Variants in TRPC4 observed in about 807,000 individuals in gnomAD.
TRPC4 encodes transient receptor potential cation channel subfamily C member 4, also known as short transient receptor potential channel 4.
A neutral mutation model predicts 99.4 loss-of-function variants in TRPC4; 49 were observed. The observed-to-expected ratio is 0.49, with a 90% confidence interval of 0.39 to 0.63. The LOEUF (loss-of-function observed/expected upper bound fraction) is 0.63, where lower values mean the gene tolerates loss of function less well. Ranked by LOEUF, TRPC4 falls within the 20% of genes least tolerant of loss-of-function variation. The pLI is 0.00. For missense variants in TRPC4, 898 were observed against 1,152.9 expected, an observed-to-expected ratio of 0.78 and a Z score of 3.20; for synonymous variants, 454 against 425.9, an observed-to-expected ratio of 1.07 and a Z score of -0.81.
intron 3 of TRPC4, among the ~76,000 whole-genome samples, chr13:37,715,776 C>T (rs1293672885): frequency 3.3e-5 from 5 of 152,080 alleles, no homozygotes; most frequent in East Asian, 1.9e-4. Context: ...AAGACACTTG[C>T]GAAATCTACC....
In TRPC4 at chr13:37,649,650, C is replaced by T. The variant is rs369640387; in HGVS notation, c.2079+1615G>A. Among the ~76,000 whole-genome samples the T allele has an allele frequency of 5.2e-5, 7 of 135,426 alleles. No homozygotes were observed. The East Asian group carries it at 7.1e-4, about 14-fold the overall frequency. 88.8% of individuals were successfully genotyped at this position (135,426 alleles called of 152,430 possible). A position where few individuals can be genotyped will look rare whatever the true frequency, so the allele number is the denominator to read the frequency against. ...TCGGGAGGCTGAGGCAGGAGAATGGCGTGAACCCGGAAGGCGGAGCTTGCA... is the reference window on the plus strand; with the variant it reads ...TCGGGAGGCTGAGGCAGGAGAATGGTGTGAACCCGGAAGGCGGAGCTTGCA... On this transcript the variant is annotated intron_variant, in intron 8 of 10. Transcript: ENST00000379705.
chr13:37,768,798 A>G (rs1237536161), intron 2 of TRPC4, among the ~76,000 whole-genome samples: 1 of 151,372 alleles, frequency 6.6e-6, no homozygotes, highest in Non-Finnish European at 1.5e-5. Flanking sequence ...AAGGAGCTAA[A>G]TCCTAGGAAG....
chr13:37,738,898 T>C (rs1593625722), intron 3 of TRPC4, among the ~76,000 whole-genome samples: 1 of 151,856 alleles, frequency 6.6e-6, no homozygotes, highest in East Asian at 2.0e-4. Context: ...TGTGCTCAGA[T>C]TTATGATGAC....
At chr13:37,868,463 A>C (rs945598642) in intron 1 of TRPC4, among the ~76,000 whole-genome samples, 1 of 152,162 alleles carries the variant, frequency 6.6e-6, no homozygotes, top group Non-Finnish European at 1.5e-5. Flanking sequence ...TCTAATTTAG[A>C]GTTTTACCAA....
At chr13:37,725,407 T>A (rs1444641963) in intron 3 of TRPC4, among the ~76,000 whole-genome samples, 1 of 146,160 alleles carries the variant, frequency 6.8e-6, no homozygotes, top group African/African-American at 2.5e-5. Flanking sequence ...AGTATTATAA[T>A]CTCAAAGAGA....
chr13:37,692,879 T>C (rs2049533836), intron 3 of TRPC4, among the ~76,000 whole-genome samples: 1 of 152,232 alleles, frequency 6.6e-6, no homozygotes, highest in Admixed American at 6.5e-5. Flanking sequence ...TTAATTGGGT[T>C]GAGGCAATAT....
intron 1 of TRPC4, among the ~76,000 whole-genome samples, chr13:37,836,755 G>C (rs1344906406): frequency 6.6e-6 from 1 of 152,190 alleles, no homozygotes; most frequent in South Asian, 2.1e-4. Flanking sequence ...CATTGTTTGG[G>C]GAGGAATTCA....
intron 8 of TRPC4, 160 bp downstream of exon 8, chr13:37,651,105 C>CAG: frequency 1.3e-6 from 1 of 778,784 alleles, no homozygotes; most frequent in Non-Finnish European, 2.0e-6. Context: ...CCTAGTTAAT[C>CAG]AGACACTGCC....
chr13:37,734,058 G>A (rs1179045703), intron 3 of TRPC4, among the ~76,000 whole-genome samples: 1 of 152,072 alleles, frequency 6.6e-6, no homozygotes, highest in Non-Finnish European at 1.5e-5. Flanking sequence ...CACGGGTTTG[G>A]AATGAGGACA....
At chr13:37,672,497 A>C (rs908737697) in intron 5 of TRPC4, among the ~76,000 whole-genome samples, 1 of 152,186 alleles carries the variant, frequency 6.6e-6, no homozygotes, top group Non-Finnish European at 1.5e-5. Context: ...TGATGGAGAA[A>C]ATGAACCTGA....
At chr13:37,674,399 G>T in intron 4 of TRPC4, 32 bp from the exon 5 acceptor site, 1 of 1,582,794 alleles carries the variant, frequency 6.3e-7, no homozygotes, top group South Asian at 1.2e-5. Context: ...TTGTAAGTAT[G>T]ATTTCAATAG....
chr13:37,739,830 T>A (rs1593628105), intron 3 of TRPC4, among the ~76,000 whole-genome samples: 1 of 152,078 alleles, frequency 6.6e-6, no homozygotes, highest in Admixed American at 6.6e-5. Flanking sequence ...ACTTATTTTT[T>A]AAAAATTTTC....
intron 1 of TRPC4, among the ~76,000 whole-genome samples, chr13:37,860,818 G>A (rs1959258830): frequency 6.6e-6 from 1 of 151,422 alleles, no homozygotes; most frequent in Non-Finnish European, 1.5e-5. Flanking sequence ...ATTCCCATTT[G>A]TAGGACTGAT....
intron 8 of TRPC4, among the ~76,000 whole-genome samples, chr13:37,645,706 T>C (rs1364390414): frequency 1.3e-5 from 2 of 152,230 alleles, no homozygotes; most frequent in African/African-American, 4.8e-5. Flanking sequence ...TATTGTTCTC[T>C]ATAAACAGTC....
At chr13:37,854,089 T>A (rs374298747) in intron 1 of TRPC4, among the ~76,000 whole-genome samples, 7 of 152,060 alleles carry the variant, frequency 4.6e-5, no homozygotes, top group South Asian at 4.1e-4. Flanking sequence ...ATAGAACACC[T>A]AGCAGATTTA....
rs1217857739 is a variant in TRPC4 at position 37,636,930 on chromosome 13, G to A, written c.2907C>T (p.His969=). 1.2e-6 allele frequency: 2 copies of A among 1,612,382 alleles called. No homozygotes were observed. Among genetic ancestry groups the A allele is most frequent in the Non-Finnish European group, 8.5e-7 (1 of 1,179,112 alleles). The stretch of plus-strand genomic sequence containing the variant: ...ACAATCTTGTGGTCACGTAATCTTC[G>A]TGGGTGACTGTGTCTGGGAGGTTTA... ...YDLNLPDTVT[H]EDYVTTRL The change falls in exon 11 of 11, where the codon CAC becomes CAT. Residue 969 remains histidine (H), a synonymous_variant. Coordinates refer to ENST00000379705, the MANE Select transcript of TRPC4 (RefSeq NM_016179.4).
Position 37,822,252 on chromosome 13 carries a change from C to T in TRPC4, c.-27-38892G>A, listed in dbSNP as rs550877902. ...TGCAAATCAAAACCACAATGAGATA[C>T]CATCTCAAATTAATCAGAATGGTTT... On this transcript the variant is annotated intron_variant, in intron 1 of 10. Transcript: ENST00000379705. Among the ~76,000 whole-genome samples the T allele has an allele frequency of 2.6e-5, 4 of 151,292 alleles. No individual in the cohort carries two copies. The South Asian group carries it at 6.3e-4, about 24-fold the overall frequency.
intron 1 of TRPC4, among the ~76,000 whole-genome samples, chr13:37,828,980 A>G (rs941603550): frequency 6.6e-6 from 1 of 152,208 alleles, no homozygotes; most frequent in African/African-American, 2.4e-5. Flanking sequence ...AAGTTAAGAA[A>G]AAAATTTAAA....
chr13:37,731,525 T>A (rs956072202), intron 3 of TRPC4, among the ~76,000 whole-genome samples: 2 of 151,948 alleles, frequency 1.3e-5, no homozygotes, highest in African/African-American at 4.8e-5. Context: ...ATTAAAAAAA[T>A]TAAAATGCTT....
Sources: gnomAD v4.1 joint callset for allele counts (sites outside exome capture counted in the v4.1 genomes callset) on GRCh38, gnomAD v4.1.1 for gene constraint, MANE v1.5 for transcripts, NCBI Gene and HGNC (gene_info 2026-07-23, HGNC 2026-07-21) for gene names.